Variants in ADARB1 observed in about 807,000 individuals in gnomAD.
ADARB1 encodes double-stranded RNA-specific editase 1.
Under a neutral mutation model 52.4 loss-of-function variants are expected in ADARB1, and 10 were observed. The ratio of observed to expected loss-of-function variants is 0.19; its 90% CI spans 0.12 to 0.32. ADARB1 has a LOEUF of 0.32. ADARB1 is among the 10% of genes least tolerant of loss of function. The pLI, the probability that ADARB1 is intolerant of heterozygous loss-of-function variation, is 1.00. For missense variants in ADARB1, 643 were observed against 922.3 expected, an observed-to-expected ratio of 0.70 and a Z score of 3.92; for synonymous variants, 349 against 371.1, an observed-to-expected ratio of 0.94 and a Z score of 0.68.
rs1362310552 is a variant in ADARB1 at position 45,221,679 on chromosome 21, A to G, written c.1927-339A>G. 6.6e-6 allele frequency among the ~76,000 whole-genome samples: 1 copy of G among 152,236 alleles called. No homozygotes were observed. Among genetic ancestry groups the G allele is most frequent in the Non-Finnish European group, 1.5e-5 (1 of 68,040 alleles). On this transcript the variant is annotated intron_variant, in intron 10 of 10. Transcript: ENST00000348831. This position sits in a 1 kb window ranked among gnomAD's most constrained non-coding sequence, Gnocchi z 4.9. ...ATGAGGGAAGGCCTCCGAGGTCATC[A>G]GGGTGATGACACACATAACATCCGT... is the stretch of plus-strand genomic sequence containing the variant.
At chr21:45,171,750 C>G (rs1376101507) in intron 3 of ADARB1, 66 bp downstream of exon 3, 6 of 1,459,342 alleles carry the variant, frequency 4.1e-6, no homozygotes, top group Middle Eastern at 1.8e-4. Flanking sequence ...GGTGTTTTTG[C>G]AAATGTATTT....
At chr21:45,148,020 A>G (rs1050386776) in intron 2 of ADARB1, among the ~76,000 whole-genome samples, 1 of 151,642 alleles carries the variant, frequency 6.6e-6, no homozygotes, top group Admixed American at 6.6e-5. Context: ...AACTCACCCC[A>G]CCAGAGGCCT....
intron 1 of ADARB1, among the ~76,000 whole-genome samples, chr21:45,095,981 G>A (rs2086741238): frequency 6.6e-6 from 1 of 152,234 alleles, no homozygotes; most frequent in South Asian, 2.1e-4. Context: ...GACCAGTTGA[G>A]AGAGCCGCAC....
intron 2 of ADARB1, among the ~76,000 whole-genome samples, chr21:45,167,993 C>T (rs997012470): frequency 1.3e-5 from 2 of 151,972 alleles, no homozygotes; most frequent in African/African-American, 2.4e-5. Flanking sequence ...CCTCATTTCA[C>T]CTGGGGCTGT....
chr21:45,101,272 C>T (rs2086999692), intron 1 of ADARB1, among the ~76,000 whole-genome samples: 4 of 152,122 alleles, frequency 2.6e-5, no homozygotes, highest in Admixed American at 2.6e-4. Flanking sequence ...CTCACGTGCT[C>T]GCTGTGCCCT....
chr21:45,150,059 G>A (rs2090205450), intron 2 of ADARB1, among the ~76,000 whole-genome samples: 1 of 152,228 alleles, frequency 6.6e-6, no homozygotes, highest in Non-Finnish European at 1.5e-5. Context: ...CAAGGAGGGC[G>A]GTTCACCTGA....
Position 45,176,781 on chromosome 21 carries a change from C to T in ADARB1, c.963+117C>T, listed in dbSNP as rs1434411445. The stretch of plus-strand genomic sequence containing the variant: ...TTCCACCTTGACATCACTCTGTCCC[C>T]ACCAGGAGGAGTTACTGGTAAGTCT... On this transcript the variant is annotated intron_variant, in intron 4 of 10. Transcript: ENST00000348831. The surrounding 1 kb of genome is among the most constrained non-coding windows in gnomAD (Gnocchi z 5.8). 5.2e-6 allele frequency: 6 copies of T among 1,164,734 alleles called. No homozygotes were observed. The highest frequency in any genetic ancestry group is 2.5e-5 in the East Asian group (1 of 39,442). 72.1% of individuals were successfully genotyped at this position (1,164,734 alleles called of 1,614,324 possible).
At chr21:45,205,491 C>T (rs542491717) in intron 9 of ADARB1, among the ~76,000 whole-genome samples, 1 of 152,198 alleles carries the variant, frequency 6.6e-6, no homozygotes, top group African/African-American at 2.4e-5. Context: ...GTGTCCACAG[C>T]GGTGAGCTGC....
intron 1 of ADARB1, among the ~76,000 whole-genome samples, chr21:45,090,460 C>T (rs773067052): frequency 2.0e-5 from 3 of 152,054 alleles, no homozygotes; most frequent in Non-Finnish European, 4.4e-5. Flanking sequence ...TATGGAAACC[C>T]CTGATTTGTA....
At chr21:45,075,130 C>T (rs563704147) in intron 1 of ADARB1, among the ~76,000 whole-genome samples, 2 of 148,802 alleles carry the variant, frequency 1.3e-5, no homozygotes, top group East Asian at 4.1e-4. Flanking sequence ...CCCTGGGGAC[C>T]GAGACTGCGT....
intron 9 of ADARB1, among the ~76,000 whole-genome samples, chr21:45,205,095 CA>C (rs1239916256): frequency 6.6e-6 from 1 of 151,980 alleles, no homozygotes; most frequent in East Asian, 1.9e-4. Context: ...CCCATCTCTA[CA>C]AAAAATACAA....
chr21:45,124,787 A>ATGTGTGTGTGTGTGTGTG (rs56113860), intron 1 of ADARB1, among the ~76,000 whole-genome samples: 2 of 135,706 alleles, frequency 1.5e-5, no homozygotes, highest in East Asian at 2.0e-4. Flanking sequence ...GTGTGTGTGT[A>ATGTGTGTGTGTGTGTGTG]TGTGTGTGTG....
chr21:45,099,914 C>A (rs2086927738), intron 1 of ADARB1, among the ~76,000 whole-genome samples: 1 of 152,042 alleles, frequency 6.6e-6, no homozygotes, highest in African/African-American at 2.4e-5. Context: ...GGGTTACTTT[C>A]CAGAAGCTAC....
In ADARB1 at chr21:45,102,907, CG is replaced by C. The variant is rs984519204; in HGVS notation, c.-219-25489del. Among the ~76,000 whole-genome samples the C allele has an allele frequency of 2.6e-5, 4 of 152,232 alleles. No homozygotes were observed. In the South Asian group the frequency reaches 8.3e-4, roughly 32 times the overall value. ...CAGAGAGGACAGCATGGAAGTGGGG[CG>C]GGGGGCTCAACCCAGCAGGGGCCAG... On this transcript the variant is annotated intron_variant, in intron 1 of 10. Transcript: ENST00000348831.
At chr21:45,209,846 G>A (rs2092733348) in intron 9 of ADARB1, among the ~76,000 whole-genome samples, 1 of 152,200 alleles carries the variant, frequency 6.6e-6, no homozygotes, top group South Asian at 2.1e-4. Flanking sequence ...TCTGCTAGAA[G>A]CATCTTCTCT....
At chr21:45,103,252 C>T (rs947512509) in intron 1 of ADARB1, among the ~76,000 whole-genome samples, 20 of 152,114 alleles carry the variant, frequency 1.3e-4, no homozygotes, top group African/African-American at 4.8e-4. Context: ...GTTAAACCAG[C>T]AGTCCTCAAC....
At chr21:45,148,622 G>A (rs546118697) in intron 2 of ADARB1, among the ~76,000 whole-genome samples, 5 of 152,216 alleles carry the variant, frequency 3.3e-5, no homozygotes, top group African/African-American at 7.2e-5. Flanking sequence ...TCAGGGCTCT[G>A]AGGGCACTGG....
chr21:45,117,878 C>A (rs2087920079), intron 1 of ADARB1, among the ~76,000 whole-genome samples: 2 of 152,132 alleles, frequency 1.3e-5, no homozygotes, highest in South Asian at 4.1e-4. Context: ...TTTGTGTTTT[C>A]TTCTCTTAAG....
intron 3 of ADARB1, among the ~76,000 whole-genome samples, chr21:45,174,909 T>G (rs1470803702): frequency 6.6e-6 from 1 of 152,112 alleles, no homozygotes; most frequent in East Asian, 1.9e-4. Context: ...CCAGAAAGTG[T>G]ATTTATGAAG....
Sources: allele counts gnomAD v4.1 joint callset (sites outside exome capture counted in the v4.1 genomes callset), GRCh38; gene constraint gnomAD v4.1.1; non-coding constraint Gnocchi (gnomAD v3.1); transcripts MANE v1.5; gene names NCBI Gene and HGNC (gene_info 2026-07-23, HGNC 2026-07-21).